The following TRIO variants were observed in gnomAD, a reference collection of about 807,000 sequenced individuals.
TRIO encodes the protein trio Rho guanine nucleotide exchange factor.
TRIO carries 58 observed loss-of-function variants against 351.9 expected under a neutral mutation model. That is an observed-to-expected ratio of 0.16 (90% CI 0.13 to 0.21). The LOEUF (loss-of-function observed/expected upper bound fraction) is 0.21. TRIO is among the 10% of genes least tolerant of loss of function. The pLI, the probability that TRIO is intolerant of heterozygous loss-of-function variation, is 1.00. For synonymous variants in TRIO, 1,758 were observed against 1,595.7 expected (o/e 1.10, Z -2.42); for missense variants, 3,201 against 4,027.8 (o/e 0.79, Z 5.56).
intron 13 of TRIO, among the ~76,000 whole-genome samples, chr5:14,361,111 A>G (rs1318634930): frequency 6.6e-6 from 1 of 152,212 alleles, no homozygotes; most frequent in Admixed American, 6.5e-5. Flanking sequence ...AATATTTTCA[A>G]CTAGAAAACA....
intron 34 of TRIO, among the ~76,000 whole-genome samples, chr5:14,459,135 A>G (rs972178101): frequency 2.6e-5 from 4 of 152,204 alleles, no homozygotes; most frequent in African/African-American, 9.7e-5. Context: ...TGTTTCTGGA[A>G]TCTTCACTAA....
At chr5:14,223,873 A>C (rs1265832557) in intron 1 of TRIO, among the ~76,000 whole-genome samples, 3 of 152,120 alleles carry the variant, frequency 2.0e-5, no homozygotes, top group Non-Finnish European at 4.4e-5. Flanking sequence ...TTACTGTTAC[A>C]TTTTACTGAT....
At chr5:14,276,405 G>T (rs1006345467) in intron 2 of TRIO, among the ~76,000 whole-genome samples, 1 of 152,246 alleles carries the variant, frequency 6.6e-6, no homozygotes, top group African/African-American at 2.4e-5. Flanking sequence ...GGTGAGCCTA[G>T]AAGGTGCAGG....
rs1275989916 is a variant in TRIO, at chr5:14,302,705, T to C, written c.1369-1756T>C. The stretch of plus-strand genomic sequence containing the variant: ...TAAAAATAAACTGGGAGTTTGTTCT[T>C]ACTATATTTTAAGGGAATTATAGCA... On this transcript the variant is annotated intron_variant, in intron 7 of 56. Transcript: ENST00000344204. 2.0e-5 allele frequency among the ~76,000 whole-genome samples: 3 copies of C among 152,238 alleles called. No individual in the cohort carries two copies. The East Asian group carries it at 5.8e-4, about 29-fold the overall frequency.
intron 34 of TRIO, among the ~76,000 whole-genome samples, chr5:14,442,281 G>A (rs1371149390): frequency 6.6e-6 from 1 of 152,230 alleles, no homozygotes; most frequent in Non-Finnish European, 1.5e-5. Context: ...GCAAGACGCA[G>A]AGAGCCAAGG....
At chr5:14,349,165 G>A (rs190777747) in intron 11 of TRIO, among the ~76,000 whole-genome samples, 7 of 151,158 alleles carry the variant, frequency 4.6e-5, no homozygotes, top group Admixed American at 6.6e-5. Context: ...GTGTATGCAC[G>A]TGAGCATGTG....
At chr5:14,228,546 T>C (rs1220745594) in intron 1 of TRIO, among the ~76,000 whole-genome samples, 2 of 152,372 alleles carry the variant, frequency 1.3e-5, no homozygotes, top group South Asian at 2.1e-4. Flanking sequence ...GTGTTTTGGA[T>C]GCAATTCTTT....
At chr5:14,294,309 G>C (rs1737159012) in intron 6 of TRIO, among the ~76,000 whole-genome samples, 1 of 152,174 alleles carries the variant, frequency 6.6e-6, no homozygotes, top group East Asian at 1.9e-4. Context: ...TCAAAGATAA[G>C]ATTTTGCAAT....
intron 34 of TRIO, among the ~76,000 whole-genome samples, chr5:14,435,559 G>C (rs1486099458): frequency 6.6e-6 from 1 of 152,136 alleles, no homozygotes; most frequent in African/African-American, 2.4e-5. Context: ...TCCCTCAGTA[G>C]TTCTTGCCTA....
At chr5:14,340,564 T>A (rs1019844479) in intron 11 of TRIO, among the ~76,000 whole-genome samples, 3 of 152,210 alleles carry the variant, frequency 2.0e-5, no homozygotes, top group Non-Finnish European at 2.9e-5. Context: ...TAGTTGTCAC[T>A]GTCTCTTTTT....
intron 1 of TRIO, among the ~76,000 whole-genome samples, chr5:14,269,669 G>GT (rs1477273522): frequency 1.3e-5 from 2 of 152,136 alleles, no homozygotes; most frequent in East Asian, 1.9e-4. Flanking sequence ...GGAGAGAGTC[G>GT]TTTTTTATAA....
At chr5:14,257,591 G>C (rs936272362) in intron 1 of TRIO, among the ~76,000 whole-genome samples, 2 of 152,168 alleles carry the variant, frequency 1.3e-5, no homozygotes, top group Non-Finnish European at 2.9e-5. Flanking sequence ...CAGACGGGGC[G>C]TGGGAAAGAT....
chr5:14,384,482 T>G (rs1385497592), intron 21 of TRIO, among the ~76,000 whole-genome samples: 1 of 152,244 alleles, frequency 6.6e-6, no homozygotes, highest in African/African-American at 2.4e-5. Context: ...TGTAACGATC[T>G]CTAGAGATAA....
At position 14,336,498 on chromosome 5, in the gene TRIO, A is replaced by T. The variant is rs1290964702; in HGVS notation, c.1855-38A>T. On this transcript the variant is annotated intron_variant, in intron 10 of 56. Coordinates refer to ENST00000344204, the MANE Select transcript of TRIO (RefSeq NM_007118.4). ...GCCCAGCCTGGCTGGTCTGCTTTTC[A>T]CTTACCTTCTGTTTCTCTGGGATGT... The T allele has an allele frequency of 7.5e-6, 12 of 1,604,528 alleles. No homozygotes were observed. The South Asian group carries it at 1.3e-4, about 18-fold the overall frequency.
chr5:14,208,665 GTA>G (rs1791687476), intron 1 of TRIO, among the ~76,000 whole-genome samples: 1 of 152,232 alleles, frequency 6.6e-6, no homozygotes, highest in African/African-American at 2.4e-5. Flanking sequence ...TAACTGAAGA[GTA>G]TACTTTTGTA....
At chr5:14,225,179 T>C (rs1237681536) in intron 1 of TRIO, among the ~76,000 whole-genome samples, 17 of 152,088 alleles carry the variant, frequency 1.1e-4, no homozygotes, top group Admixed American at 1.1e-3. Context: ...ATCAGAAACA[T>C]TAATTGTCTG....
intron 10 of TRIO, among the ~76,000 whole-genome samples, chr5:14,335,031 G>A (rs564221200): frequency 6.6e-6 from 1 of 152,250 alleles, no homozygotes; most frequent in East Asian, 1.9e-4. Flanking sequence ...TCGTGTGTGT[G>A]TGTGTGTGTG....
chr5:14,147,249 C>T (rs1787571914), intron 1 of TRIO, among the ~76,000 whole-genome samples: 1 of 152,050 alleles, frequency 6.6e-6, no homozygotes, highest in African/African-American at 2.4e-5. Flanking sequence ...ATGACTTGCC[C>T]CCCAGAGTGG....
At chr5:14,385,677 C>T (rs1220892429) in intron 21 of TRIO, among the ~76,000 whole-genome samples, 1 of 152,098 alleles carries the variant, frequency 6.6e-6, no homozygotes, top group Non-Finnish European at 1.5e-5. Flanking sequence ...TACTTTGTAT[C>T]TTTTTTATCT....
Sources: allele counts gnomAD v4.1 joint callset (sites outside exome capture counted in the v4.1 genomes callset), GRCh38; gene constraint gnomAD v4.1.1; transcripts MANE v1.5; gene names NCBI Gene and HGNC (gene_info 2026-07-23, HGNC 2026-07-21).